GPRC5A: variants seen among roughly 807,000 people sequenced by gnomAD.
GPRC5A encodes retinoic acid-induced protein 3.
GPRC5A carries 19 observed loss-of-function variants against 22.5 expected under a neutral mutation model. The ratio of observed to expected loss-of-function variants is 0.85; its 90% CI spans 0.59 to 1.24. GPRC5A has a LOEUF of 1.24. Among genes scored for constraint, GPRC5A ranks in the 50% most tolerant of loss-of-function variants. The pLI is 0.00. For missense variants in GPRC5A, 471 were observed against 451.1 expected, an observed-to-expected ratio of 1.04 and a Z score of -0.40; for synonymous variants, 192 against 184.5, an observed-to-expected ratio of 1.04 and a Z score of -0.33.
chr12:12,911,574 C>T (rs1252928248), intron 2 of GPRC5A, among the ~76,000 whole-genome samples: 1 of 151,740 alleles, frequency 6.6e-6, no homozygotes, highest in Non-Finnish European at 1.5e-5. Context: ...CTGCAAGCTC[C>T]ACCTCCTGGG....
intron 1 of GPRC5A, among the ~76,000 whole-genome samples, chr12:12,897,713 G>A: frequency 6.6e-6 from 1 of 151,604 alleles, no homozygotes; most frequent in Non-Finnish European, 1.5e-5. Flanking sequence ...GGTTCAAGCG[G>A]TTTTTGTGCC....
intron 2 of GPRC5A, among the ~76,000 whole-genome samples, chr12:12,911,118 G>A (rs529412689): frequency 8.7e-4 from 133 of 152,092 alleles, no homozygotes; most frequent in African/African-American, 2.8e-3. Context: ...TGATCCGCCC[G>A]CCTAGGCCTT....
intron 1 of GPRC5A, among the ~76,000 whole-genome samples, chr12:12,901,571 G>A (rs1863887160): frequency 6.6e-6 from 1 of 152,160 alleles, no homozygotes; most frequent in South Asian, 2.1e-4. Context: ...TACTTACTGA[G>A]CATCAGGTGC....
intron 1 of GPRC5A, 45 bp from the exon 2 acceptor site, chr12:12,908,197 AG>A (rs1863962191): frequency 8.1e-7 from 1 of 1,234,688 alleles, no homozygotes; most frequent in Non-Finnish European, 1.1e-6. Flanking sequence ...GGACTGTGTT[AG>A]GAGATTCAAT....
In GPRC5A at chr12:12,914,614, C is replaced by CTCTCTT. The variant is rs1864043538; in HGVS notation, c.*2078_*2079insCTTTCT. On this transcript the variant is annotated 3_prime_UTR_variant, in exon 4 of 4. Coordinates refer to ENST00000014914, the MANE Select transcript of GPRC5A (RefSeq NM_003979.4). ...TTTCTTTCTCTCTCTCTCTCTCTCT[C>CTCTCTT]TCTTTCTTTCTTTCTTTTTGAGATA... The CTCTCTT allele has an allele frequency of 2.6e-5, 3 of 116,366 alleles. No homozygotes were observed. Among genetic ancestry groups the CTCTCTT allele is most frequent in the African/African-American group, 9.8e-5 (3 of 30,524 alleles). 7.2% of individuals were successfully genotyped at this position (116,366 alleles called of 1,614,324 possible). A position where few individuals can be genotyped will look rare whatever the true frequency, so the allele number is the denominator to read the frequency against.
chr12:12,893,284 A>T (rs572890609), intron 1 of GPRC5A, among the ~76,000 whole-genome samples: 1 of 152,310 alleles, frequency 6.6e-6, no homozygotes, highest in African/African-American at 2.4e-5. Context: ...TTCCCTTTAG[A>T]ACTGGCTTTT....
At chr12:12,894,583 A>T (rs576565441) in intron 1 of GPRC5A, among the ~76,000 whole-genome samples, 42 of 151,310 alleles carry the variant, frequency 2.8e-4, no homozygotes, top group Admixed American at 1.6e-3. Flanking sequence ...TAATTTTTAA[A>T]TTTTTTGTAG....
intron 1 of GPRC5A, among the ~76,000 whole-genome samples, chr12:12,901,134 G>T (rs1013399859): frequency 3.3e-5 from 5 of 152,060 alleles, no homozygotes; most frequent in African/African-American, 1.2e-4. Flanking sequence ...AAAGTCCTTT[G>T]CTCATGCCCA....
In GPRC5A at chr12:12,912,049, C is replaced by T. The variant is rs1231138503; in HGVS notation, c.923-35C>T. ...AATGGGGTGAACATAGGTGGGGGCC[C>T]CAGTGGTTTAATTTCTCCTGTTCCT... On this transcript the variant is annotated intron_variant, in intron 2 of 3. Coordinates refer to ENST00000014914, the MANE Select transcript of GPRC5A (RefSeq NM_003979.4). The T allele has an allele frequency of 2.7e-6, 4 of 1,507,814 alleles. No individual in the cohort carries two copies. The South Asian group carries it at 4.5e-5, about 17-fold the overall frequency. The allele number at this position is 1,507,814 out of a possible 1,614,324, so 93.4% of individuals were successfully genotyped here.
chr12:12,911,502 TG>T lies in GPRC5A; in HGVS notation c.923-581del, dbSNP rs1205475469. 1.1e-3 allele frequency among the ~76,000 whole-genome samples: 174 copies of T among 151,686 alleles called. 4 individuals are homozygous for T. The South Asian group carries it at 0.035, about 31-fold the overall frequency. ...TATGACTTTTTCTTTTTTTTTTTTT[TG>T]TTTGAGACAGAGTCTTGTTCTGTCG... On this transcript the variant is annotated intron_variant, in intron 2 of 3. Coordinates refer to ENST00000014914, the MANE Select transcript of GPRC5A (RefSeq NM_003979.4).
At chr12:12,895,992 C>T (rs185962958) in intron 1 of GPRC5A, among the ~76,000 whole-genome samples, 101 of 17,708 alleles carry the variant, frequency 5.7e-3, no homozygotes, top group African/African-American at 0.018. Flanking sequence ...GACTCTGTCT[C>T]ACAAAAAAAA....
chr12:12,902,776 G>GA (rs1346915535), intron 1 of GPRC5A, among the ~76,000 whole-genome samples: 1 of 149,030 alleles, frequency 6.7e-6, no homozygotes, highest in Admixed American at 6.7e-5. Flanking sequence ...ATCTCAAAAA[G>GA]AAAAAAAAGG....
chr12:12,895,364 A>G (rs546115130), intron 1 of GPRC5A, among the ~76,000 whole-genome samples: 2 of 136,664 alleles, frequency 1.5e-5, no homozygotes, highest in Admixed American at 7.9e-5. Flanking sequence ...TAGGTATGAT[A>G]TAGTTTAGTC....
rs1224946884 is a variant in GPRC5A at position 12,908,952 on chromosome 12, G to A, written c.703G>A (p.Asp235Asn). 6.2e-7 allele frequency: 1 copy of A among 1,614,106 alleles called. No individual in the cohort carries two copies. Among genetic ancestry groups the A allele is most frequent in the Non-Finnish European group, 8.5e-7 (1 of 1,179,994 alleles). Residue 235 changes from aspartate (D) to asparagine (N), a missense_variant, in exon 2 of 4, where the codon GAC becomes AAC. Transcript: ENST00000014914. ...VAWITLLMLP[D>N]FDRRWDDTIL... ...CTGGATCACCCTGCTCATGCTTCCTGACTTTGACCGCAGGTGGGATGACAC... is the reference window on the plus strand; with the variant it reads ...CTGGATCACCCTGCTCATGCTTCCTAACTTTGACCGCAGGTGGGATGACAC...
intron 1 of GPRC5A, among the ~76,000 whole-genome samples, chr12:12,902,352 T>C (rs1863897762): frequency 6.6e-6 from 1 of 152,046 alleles, no homozygotes; most frequent in Admixed American, 6.6e-5. Context: ...GATGGTTTTT[T>C]TTTTTTAAAG....
rs767059997 is a variant in GPRC5A at position 12,908,801 on chromosome 12, C to G, written c.552C>G (p.Val184=). ...ACTTTGTCCTCCTGCTCACCTACGT[C>G]CTCTTCTTGATGGCGCTGACCTTCC... The part of the protein sequence containing the change: ...NEDFVLLLTY[V]LFLMALTFLM... The change falls in exon 2 of 4, where the codon GTC becomes GTG. Residue 184 remains valine, a synonymous_variant. Transcript: ENST00000014914. 1 of 1,614,222 alleles carries G rather than the reference C, an allele frequency of 6.2e-7. No individual in the cohort carries two copies. Among genetic ancestry groups the G allele is most frequent in the Non-Finnish European group, 8.5e-7 (1 of 1,180,024 alleles).
chr12:12,911,054 G>A (rs1037798096), intron 2 of GPRC5A, among the ~76,000 whole-genome samples: 35 of 151,952 alleles, frequency 2.3e-4, no homozygotes, highest in African/African-American at 8.0e-4. Flanking sequence ...TGTGTTTTTA[G>A]TAGAGACGGG....
At chr12:12,892,446 C>A (rs1172894399) in intron 1 of GPRC5A, among the ~76,000 whole-genome samples, 3 of 151,602 alleles carry the variant, frequency 2.0e-5, no homozygotes, top group Non-Finnish European at 4.4e-5. Flanking sequence ...CAGCTCACCG[C>A]GACCTCCACC....
chr12:12,909,127 A>G lies in GPRC5A; in HGVS notation c.878A>G (p.Tyr293Cys), dbSNP rs377654148. 32 of 1,599,670 alleles carry G rather than the reference A, an allele frequency of 2.0e-5. No individual in the cohort carries two copies. Among genetic ancestry groups the G allele is most frequent in the Non-Finnish European group, 2.5e-5 (30 of 1,179,484 alleles). ...AAACCTCAACTCGTGAAGAAGAGCTATGGTGTGGAGAACAGAGCCTACTCT... is the reference window on the plus strand; with the variant it reads ...AAACCTCAACTCGTGAAGAAGAGCTGTGGTGTGGAGAACAGAGCCTACTCT... ...FCKPQLVKKSYGVENRAYSQE... is the reference protein window; with the variant it reads ...FCKPQLVKKSCGVENRAYSQE... Residue 293 changes from tyrosine (Y) to cysteine (C), a missense_variant, in exon 2 of 4, where the codon TAT (tyrosine) becomes TGT (cysteine). Physicochemically the swap from Tyr to Cys is radical, Grantham distance 194. Transcript: ENST00000014914.
Sources: gnomAD v4.1 joint callset for allele counts (sites outside exome capture counted in the v4.1 genomes callset) on GRCh38, gnomAD v4.1.1 for gene constraint, MANE v1.5 for transcripts, NCBI Gene and HGNC (gene_info 2026-07-23, HGNC 2026-07-21) for gene names.